Variants in TTC28 observed in about 807,000 individuals in gnomAD.
TTC28 encodes tetratricopeptide repeat domain 28.
Under a neutral mutation model 198.0 loss-of-function variants are expected in TTC28, and 61 were observed. That is an observed-to-expected ratio of 0.31 (90% CI 0.25 to 0.38). TTC28 has a LOEUF of 0.38. Among genes scored for constraint, TTC28 ranks in the 10% least tolerant of loss-of-function variants. The pLI is 1.00. For synonymous variants in TTC28, 1,171 were observed against 1,297.8 expected (o/e 0.90, Z 2.10); for missense variants, 2,678 against 3,164.0 (o/e 0.85, Z 3.69).
chr22:28,661,426 C>G (rs2051745594), intron 1 of TTC28, among the ~76,000 whole-genome samples: 1 of 151,920 alleles, frequency 6.6e-6, no homozygotes, highest in African/African-American at 2.4e-5. Context: ...TTCATTTATT[C>G]ATTTATTTTT....
chr22:28,606,187 G>A (rs1439815282), intron 2 of TTC28, among the ~76,000 whole-genome samples: 2 of 151,622 alleles, frequency 1.3e-5, no homozygotes, highest in African/African-American at 2.4e-5. Flanking sequence ...GGGTTCAAGC[G>A]ATTCTCCTGC....
At chr22:28,465,664 A>G (rs997192119) in intron 2 of TTC28, among the ~76,000 whole-genome samples, 1 of 152,134 alleles carries the variant, frequency 6.6e-6, no homozygotes, top group African/African-American at 2.4e-5. Flanking sequence ...TATATTAATC[A>G]TAGTTAGATT....
intron 5 of TTC28, among the ~76,000 whole-genome samples, chr22:28,224,596 G>A (rs9620778): frequency 0.079 from 12,081 of 152,140 alleles, 583 homozygotes; most frequent in Non-Finnish European, 0.094. Context: ...AACTGATATA[G>A]GGCTAGGTCC....
rs1449243781 is a variant in TTC28, at chr22:28,163,377, C to A, written c.1156G>T (p.Asp386Tyr). The change falls in exon 6 of 23, where the codon GAC becomes TAC. Residue 386 changes from aspartate to tyrosine, a missense_variant. Asp to Tyr is a radical substitution (Grantham distance 160, BLOSUM62 -3). This residue lies in a region of TTC28 where 775 missense variants were observed against 845.9 expected (regional missense o/e 0.92). Coordinates refer to ENST00000397906, the MANE Select transcript of TTC28 (RefSeq NM_001145418.2). ...GCCTCTTCTCGCTTGTTCCCCAGGT[C>A]CTTGGCTATCTTCAGATGCTGCTCA... ...CHEQHLKIAKDLGNKREEARA... is the reference protein window; with the variant it reads ...CHEQHLKIAKYLGNKREEARA... 1.3e-6 allele frequency: 2 copies of A among 1,552,044 alleles called. No individual in the cohort carries two copies. Among genetic ancestry groups the A allele is most frequent in the Non-Finnish European group, 8.7e-7 (1 of 1,147,082 alleles).
rs1438066855 is a variant in TTC28 at position 28,005,113 on chromosome 22, C to A, written c.4219-3560G>T. Among the ~76,000 whole-genome samples the A allele has an allele frequency of 2.6e-5, 4 of 152,192 alleles. No individual in the cohort carries two copies. Among genetic ancestry groups the A allele is most frequent in the Non-Finnish European group, 4.4e-5 (3 of 68,036 alleles). On this transcript the variant is annotated intron_variant, in intron 14 of 22. Transcript: ENST00000397906. The surrounding 1 kb of genome is among the most constrained non-coding windows in gnomAD (Gnocchi z 4.9). The stretch of plus-strand genomic sequence containing the variant: ...GCAGAAGATGACAGGGCCAGGTGCA[C>A]TAGAATCTGTCTCTTCCCCAGGGGT...
chr22:28,165,253 T>C (rs1921787608), intron 5 of TTC28, among the ~76,000 whole-genome samples: 1 of 152,210 alleles, frequency 6.6e-6, no homozygotes, highest in Non-Finnish European at 1.5e-5. Context: ...GAAAACACTC[T>C]GCAGGGTATT....
chr22:28,313,764 G>C (rs1438085405), intron 2 of TTC28, among the ~76,000 whole-genome samples: 8 of 152,128 alleles, frequency 5.3e-5, no homozygotes, highest in Admixed American at 4.6e-4. Context: ...CCTACTGAAT[G>C]GGCAAAAACT....
Position 28,079,869 on chromosome 22 carries a change from T to G in TTC28, c.3932+14211A>C, listed in dbSNP as rs910415644. On this transcript the variant is annotated intron_variant, in intron 12 of 22. Transcript: ENST00000397906. Reference sequence around the variant, plus strand: ...TCAGCCTCCTGAGTAGCTGGTACTATAGGCATACGACCACATCTGGCTAGT... The same window carrying G: ...TCAGCCTCCTGAGTAGCTGGTACTAGAGGCATACGACCACATCTGGCTAGT... Among the ~76,000 whole-genome samples the G allele has an allele frequency of 2.0e-5, 3 of 152,072 alleles. No individual in the cohort carries two copies. In the South Asian group the frequency reaches 6.2e-4, roughly 32 times the overall value.
chr22:28,474,831 G>T (rs1209458806), intron 2 of TTC28, among the ~76,000 whole-genome samples: 2 of 152,130 alleles, frequency 1.3e-5, no homozygotes, highest in East Asian at 3.9e-4. Context: ...AAGAATGACA[G>T]ATGTTTTCTG....
intron 2 of TTC28, among the ~76,000 whole-genome samples, chr22:28,442,333 A>G (rs1424375907): frequency 2.0e-5 from 3 of 152,220 alleles, no homozygotes; most frequent in Non-Finnish European, 2.9e-5. Context: ...GGCTATGGCC[A>G]GCCCCAGGCG....
intron 2 of TTC28, among the ~76,000 whole-genome samples, chr22:28,310,870 C>G (rs1241439537): frequency 1.3e-5 from 2 of 151,738 alleles, no homozygotes; most frequent in Non-Finnish European, 2.9e-5. Context: ...ACCTCCACCT[C>G]CCCAGTTCAA....
chr22:28,092,730 T>G (rs1941851239), intron 12 of TTC28, among the ~76,000 whole-genome samples: 1 of 152,182 alleles, frequency 6.6e-6, no homozygotes, highest in Non-Finnish European at 1.5e-5. Context: ...ATAATTTCAA[T>G]CTCAGAGGGC....
chr22:28,141,295 A>T (rs1414900696), intron 6 of TTC28, among the ~76,000 whole-genome samples: 1 of 152,188 alleles, frequency 6.6e-6, no homozygotes, highest in Non-Finnish European at 1.5e-5. Context: ...TTTCCTTCAT[A>T]GTACTTAGCT....
chr22:28,247,433 C>T (rs1310983397), intron 5 of TTC28, among the ~76,000 whole-genome samples: 1 of 152,210 alleles, frequency 6.6e-6, no homozygotes, highest in African/African-American at 2.4e-5. Context: ...TTGGCTGCCC[C>T]TACGCTGCTT....
chr22:28,489,619 T>C (rs889361136), intron 2 of TTC28, among the ~76,000 whole-genome samples: 1 of 152,112 alleles, frequency 6.6e-6, no homozygotes, highest in Non-Finnish European at 1.5e-5. Context: ...CACTCTATAT[T>C]AGTCAAGACA....
chr22:28,335,469 G>C lies in TTC28; in HGVS notation c.382-28826C>G, dbSNP rs189437612. 9.4e-4 allele frequency among the ~76,000 whole-genome samples: 143 copies of C among 152,252 alleles called. 1 individual carries two copies. The highest frequency in any genetic ancestry group is 5.7e-4 in the Non-Finnish European group (39 of 68,030). On this transcript the variant is annotated intron_variant, in intron 2 of 22. Coordinates refer to ENST00000397906, the MANE Select transcript of TTC28 (RefSeq NM_001145418.2). ...GCTGTATTGCCATTTCCACAATATT[G>C]ATTCTTCCTACTCATGAGCATAGAA... is the stretch of plus-strand genomic sequence containing the variant.
At chr22:28,176,341 C>T (rs1184098476) in intron 5 of TTC28, among the ~76,000 whole-genome samples, 1 of 151,770 alleles carries the variant, frequency 6.6e-6, no homozygotes, top group East Asian at 1.9e-4. Context: ...GATCTCATTC[C>T]TATGTGGAAT....
chr22:28,387,612 T>G (rs1335751229), intron 2 of TTC28, among the ~76,000 whole-genome samples: 1 of 152,252 alleles, frequency 6.6e-6, no homozygotes, highest in African/African-American at 2.4e-5. Flanking sequence ...GAGCATTTTC[T>G]CATGTGTTTT....
At chr22:28,342,283 T>C (rs536946013) in intron 2 of TTC28, among the ~76,000 whole-genome samples, 1 of 152,200 alleles carries the variant, frequency 6.6e-6, no homozygotes, top group Non-Finnish European at 1.5e-5. Context: ...TGCTGATATA[T>C]TTGTTGCTTT....
Sources: gnomAD v4.1 joint callset for allele counts (sites outside exome capture counted in the v4.1 genomes callset) on GRCh38, gnomAD v4.1.1 for gene constraint, gnomAD v4.1.1 regional missense constraint, Gnocchi (gnomAD v3.1) non-coding constraint, MANE v1.5 for transcripts, NCBI Gene and HGNC (gene_info 2026-07-23, HGNC 2026-07-21) for gene names.